Variants in CALN1 observed in about 807,000 individuals in gnomAD.
The protein encoded by CALN1 is calcium-binding protein 8.
CALN1 carries 17 observed loss-of-function variants against 30.6 expected under a neutral mutation model. The observed-to-expected ratio is 0.56, with a 90% CI of 0.38 to 0.83. The LOEUF is 0.83. Among genes scored for constraint, CALN1 ranks in the 40% least tolerant of loss-of-function variants. The pLI, the probability that CALN1 is intolerant of heterozygous loss-of-function variation, is 0.00. For missense variants in CALN1, 291 were observed against 354.9 expected (o/e 0.82, Z 1.45); for synonymous variants, 156 against 131.4 (o/e 1.19, Z -1.28).
At chr7:72,329,751 C>T (rs1423395626) in intron 2 of CALN1, among the ~76,000 whole-genome samples, 4 of 151,494 alleles carry the variant, frequency 2.6e-5, no homozygotes, top group Admixed American at 6.6e-5. Flanking sequence ...GTCAGGAGTT[C>T]GAGACCAGCG....
intron 3 of CALN1, among the ~76,000 whole-genome samples, chr7:72,106,966 G>A: frequency 6.7e-6 from 1 of 149,576 alleles, no homozygotes; most frequent in Non-Finnish European, 1.5e-5. Context: ...ATGAAGAAAG[G>A]GAGAAAGAGA....
At chr7:71,922,275 T>C (rs1676413122) in intron 5 of CALN1, among the ~76,000 whole-genome samples, 1 of 152,068 alleles carries the variant, frequency 6.6e-6, no homozygotes, top group Non-Finnish European at 1.5e-5. Flanking sequence ...TTTGCATAAC[T>C]TGGCATGGCA....
chr7:71,921,176 G>A (rs981988262), intron 5 of CALN1, among the ~76,000 whole-genome samples: 4 of 152,128 alleles, frequency 2.6e-5, no homozygotes, highest in African/African-American at 9.7e-5. Context: ...GACAGAGGGA[G>A]AGATACATCA....
intron 6 of CALN1, among the ~76,000 whole-genome samples, chr7:71,799,366 A>G (rs1787162425): frequency 6.6e-6 from 1 of 152,100 alleles, no homozygotes; most frequent in Admixed American, 6.5e-5. Context: ...GCAGAGCTGG[A>G]GCTCTTAACC....
intron 5 of CALN1, among the ~76,000 whole-genome samples, chr7:71,972,003 GAAA>G (rs1191566010): frequency 7.9e-6 from 1 of 126,220 alleles, no homozygotes; most frequent in Non-Finnish European, 1.7e-5. Context: ...GAGAAAGAAA[GAAA>G]AAAAGAAAGA....
At chr7:72,407,402 G>A (rs987062322) in intron 1 of CALN1, among the ~76,000 whole-genome samples, 3 of 152,214 alleles carry the variant, frequency 2.0e-5, no homozygotes, top group Admixed American at 6.5e-5. Context: ...AATGTTGGAG[G>A]TGGGGCCTGG....
chr7:71,966,325 A>G (rs1046714872), intron 5 of CALN1, among the ~76,000 whole-genome samples: 2 of 152,148 alleles, frequency 1.3e-5, no homozygotes, highest in Admixed American at 1.3e-4. Context: ...TCAATGTTTG[A>G]TATGGTTTGG....
chr7:72,199,800 A>G (rs1562725244), intron 3 of CALN1, among the ~76,000 whole-genome samples: 1 of 152,124 alleles, frequency 6.6e-6, no homozygotes. Flanking sequence ...TGATTGCACC[A>G]CTATACTCCA....
In CALN1 at chr7:72,079,761, CTTTTTT is replaced by C. The variant is rs3065015; in HGVS notation, c.388+26384_388+26389del. 8.0e-4 allele frequency among the ~76,000 whole-genome samples: 83 copies of C among 104,040 alleles called. 2 individuals are homozygous for C. The highest frequency in any genetic ancestry group is 7.6e-3 in the South Asian group (22 of 2,892). 68.3% of individuals were successfully genotyped at this position (104,040 alleles called of 152,430 possible). A position where few individuals can be genotyped will look rare whatever the true frequency, so the allele number is the denominator to read the frequency against. ...AAATGCCCAAGAGGTTGCCTTTTTC[CTTTTTT>C]TTTTTTTTTTTTTTTTTTTTGGAGA... is the stretch of plus-strand genomic sequence containing the variant. On this transcript the variant is annotated intron_variant, in intron 4 of 6. Transcript: ENST00000395275.
intron 2 of CALN1, among the ~76,000 whole-genome samples, chr7:72,310,687 T>C (rs1232003562): frequency 3.9e-5 from 6 of 151,900 alleles, no homozygotes; most frequent in African/African-American, 1.2e-4. Context: ...GTGGATCACC[T>C]GAGGCCGGGA....
chr7:72,374,958 T>A (rs950785913), intron 2 of CALN1, among the ~76,000 whole-genome samples: 1 of 152,202 alleles, frequency 6.6e-6, no homozygotes, highest in Non-Finnish European at 1.5e-5. Context: ...TAAATATGGA[T>A]CTAATTTTCC....
At position 72,219,179 on chromosome 7, in the gene CALN1, C is replaced by A. The variant is rs148328945; in HGVS notation, c.244+59507G>T. Among the ~76,000 whole-genome samples, 1,363 of 152,280 alleles carry A rather than the reference C, an allele frequency of 9.0e-3. 7 individuals carry two copies. Among genetic ancestry groups the A allele is most frequent in the Middle Eastern group, 0.034 (10 of 294 alleles). On this transcript the variant is annotated intron_variant, in intron 3 of 6. Transcript: ENST00000395275. ...CCACGGGCATAGAAGAGGAAAAATT[C>A]TTCCCTAGTGACAGCCAGCTGTAAC...
chr7:72,139,603 G>A (rs1809750118), intron 3 of CALN1, among the ~76,000 whole-genome samples: 1 of 147,512 alleles, frequency 6.8e-6, no homozygotes, highest in Non-Finnish European at 1.5e-5. Context: ...AAGCACCTCA[G>A]TCAAGTCTAC....
At chr7:71,899,150 T>G (rs1206734872) in intron 5 of CALN1, among the ~76,000 whole-genome samples, 2 of 150,904 alleles carry the variant, frequency 1.3e-5, no homozygotes, top group Non-Finnish European at 3.0e-5. Flanking sequence ...GACATCTTTT[T>G]TTTTTTTTTT....
At chr7:72,171,817 GTAA>G (rs1036669194) in intron 3 of CALN1, among the ~76,000 whole-genome samples, 2 of 152,084 alleles carry the variant, frequency 1.3e-5, no homozygotes, top group African/African-American at 4.8e-5. Context: ...TTTTGAAATA[GTAA>G]TAATGTTTAC....
intron 1 of CALN1, among the ~76,000 whole-genome samples, chr7:72,434,250 C>T (rs949918098): frequency 1.3e-5 from 2 of 151,528 alleles, no homozygotes; most frequent in African/African-American, 4.9e-5. Flanking sequence ...TGCCTGTAAT[C>T]CCAGCACTTT....
chr7:71,932,932 C>G (rs929697496), intron 5 of CALN1, among the ~76,000 whole-genome samples: 1 of 151,800 alleles, frequency 6.6e-6, no homozygotes, highest in Admixed American at 6.6e-5. Flanking sequence ...CCAGATAGGG[C>G]GCATGTCACA....
At chr7:72,460,951 C>T in the CALN1 span, among the ~76,000 whole-genome samples, 9 of 152,208 alleles carry the variant, frequency 5.9e-5, no homozygotes, top group South Asian at 1.2e-3. Context: ...TTCAAGGTTT[C>T]GAAGGATTTG....
chr7:72,156,349 T>C (rs1048487761), intron 3 of CALN1, among the ~76,000 whole-genome samples: 2 of 152,198 alleles, frequency 1.3e-5, no homozygotes, highest in African/African-American at 4.8e-5. Flanking sequence ...GACCCCTGAA[T>C]ACAGAATGCT....
Sources: gnomAD v4.1 joint callset for allele counts (sites outside exome capture counted in the v4.1 genomes callset) on GRCh38, gnomAD v4.1.1 for gene constraint, MANE v1.5 for transcripts, NCBI Gene and HGNC (gene_info 2026-07-23, HGNC 2026-07-21) for gene names.